ANKRD30A: variants seen among roughly 807,000 people sequenced by gnomAD.
ANKRD30A encodes ankyrin repeat domain-containing protein 30A.
In ANKRD30A, 170 loss-of-function variants were observed where a neutral mutation model predicts 166.3. The observed-to-expected ratio is 1.02, with a 90% CI of 0.90 to 1.16. The LOEUF is 1.16. Among genes scored for constraint, ANKRD30A ranks in the 50% most tolerant of loss-of-function variants. The pLI, the probability that ANKRD30A is intolerant of heterozygous loss-of-function variation, is 0.00. For synonymous variants in ANKRD30A, 564 were observed against 508.9 expected (o/e 1.11, Z -1.46); for missense variants, 1,630 against 1,518.0 (o/e 1.07, Z -1.23).
chr10:37,252,697 C>A, the ANKRD30A span, among the ~76,000 whole-genome samples: 15 of 149,266 alleles, frequency 1.0e-4, no homozygotes, highest in African/African-American at 2.2e-4. Flanking sequence ...TTTTTTTTTA[C>A]TAACTGTGTG....
At chr10:37,129,621 A>G (rs1588738966) in intron 1 of ANKRD30A, among the ~76,000 whole-genome samples, 1 of 152,188 alleles carries the variant, frequency 6.6e-6, no homozygotes, top group Admixed American at 6.5e-5. Flanking sequence ...AGTTTAAGTG[A>G]CAGCTAGAAA....
At chr10:37,220,851 C>A (rs1302653475) in intron 34 of ANKRD30A, among the ~76,000 whole-genome samples, 2 of 151,000 alleles carry the variant, frequency 1.3e-5, no homozygotes, top group Admixed American at 1.3e-4. Context: ...AGGAGGGATG[C>A]AGAGACCAGG....
intron 5 of ANKRD30A, 32 bp downstream of exon 5, chr10:37,134,085 T>A: frequency 6.2e-7 from 1 of 1,607,290 alleles, no homozygotes; most frequent in Non-Finnish European, 8.5e-7. Context: ...CTAGGTGAGA[T>A]TTTATAGTTT....
intron 27 of ANKRD30A, among the ~76,000 whole-genome samples, chr10:37,194,465 C>G (rs61865173): frequency 0.048 from 7,254 of 151,902 alleles, 251 homozygotes; most frequent in South Asian, 0.06. Context: ...CTCAGCCTCC[C>G]GAGTAGCTGG....
In ANKRD30A at chr10:37,147,468, T is replaced by C; in HGVS notation, c.1543+11T>C. 3 of 1,531,986 alleles carry C rather than the reference T, an allele frequency of 2.0e-6. No homozygotes were observed. Among genetic ancestry groups the C allele is most frequent in the Non-Finnish European group, 2.7e-6 (3 of 1,126,650 alleles). The allele number at this position is 1,531,986 out of a possible 1,614,324, so 94.9% of individuals were successfully genotyped here. A position where few individuals can be genotyped will look rare whatever the true frequency, so the allele number is the denominator to read the frequency against. On this transcript the variant is annotated intron_variant, in intron 9 of 35. Transcript: ENST00000361713. Reference sequence around the variant, plus strand: ...ATAGAGAAGTAGAAGGTAAGAACGATTTTTTATTTGAAAAGTCTTTTAACC... The same window carrying C: ...ATAGAGAAGTAGAAGGTAAGAACGACTTTTTATTTGAAAAGTCTTTTAACC...
chr10:37,130,294 T>C lies in ANKRD30A; in HGVS notation c.426T>C (p.Ala142=), dbSNP rs1292914263. ...INLVDVYGNT[A]LHYAVYSEIL... The stretch of plus-strand genomic sequence containing the variant: ...TCGTAGATGTGTATGGCAACACGGC[T>C]CTCCATTATGCTGTTTATAGTGAGA... The change falls in exon 3 of 36, where the codon GCT becomes GCC. Residue 142 remains alanine (A), a synonymous_variant. Transcript: ENST00000361713. 5.0e-6 allele frequency: 8 copies of C among 1,605,856 alleles called. No homozygotes were observed. The highest frequency in any genetic ancestry group is 1.7e-4 in the Middle Eastern group (1 of 6,030).
intron 14 of ANKRD30A, 26 bp downstream of exon 14, chr10:37,158,446 G>C (rs1588824695): frequency 6.2e-7 from 1 of 1,612,296 alleles, no homozygotes; most frequent in East Asian, 2.2e-5. Flanking sequence ...TTTTTGTCTT[G>C]AGTATCAACT....
chr10:37,231,579 A>G lies in ANKRD30A; in HGVS notation c.*110A>G. On this transcript the variant is annotated 3_prime_UTR_variant, in exon 35 of 36. Coordinates refer to ENST00000361713, the MANE Select transcript of ANKRD30A (RefSeq NM_052997.3). ...TCACCTTATGTTGAAAATCTTACCA[A>G]TAGTCTGTGTCAACAGAATACTTAT... The G allele has an allele frequency of 1.2e-6, 1 of 816,546 alleles. No homozygotes were observed. The highest frequency in any genetic ancestry group is 2.4e-4 in the Middle Eastern group (1 of 4,110). 50.6% of individuals were successfully genotyped at this position (816,546 alleles called of 1,614,324 possible).
At chr10:37,218,943 T>C (rs1396942083) in intron 33 of ANKRD30A, 37 bp from the exon 34 acceptor site, 3 of 1,349,330 alleles carry the variant, frequency 2.2e-6, no homozygotes, top group Admixed American at 4.7e-5. Context: ...TGCCATTTTA[T>C]TGAGTGCTAG....
intron 25 of ANKRD30A, among the ~76,000 whole-genome samples, chr10:37,190,530 C>G (rs772880629): frequency 2.0e-5 from 3 of 151,772 alleles, no homozygotes; most frequent in Non-Finnish European, 4.4e-5. Context: ...ATAATGTTAA[C>G]AGGTGTCGAA....
chr10:37,151,619 T>C (rs1837944828), intron 11 of ANKRD30A, among the ~76,000 whole-genome samples: 1 of 152,156 alleles, frequency 6.6e-6, no homozygotes, highest in South Asian at 2.1e-4. Context: ...AAAAATCTTA[T>C]TCATTGATAA....
chr10:37,264,292 A>T, the ANKRD30A span, among the ~76,000 whole-genome samples: 1 of 152,234 alleles, frequency 6.6e-6, no homozygotes. Flanking sequence ...GCCAGCCATG[A>T]CAGCAAAAGT....
intron 4 of ANKRD30A, 39 bp from the exon 5 acceptor site, chr10:37,133,877 T>G: frequency 6.2e-7 from 1 of 1,607,668 alleles, no homozygotes. Flanking sequence ...TTAAATTGGT[T>G]CTGCTCATAA....
chr10:37,210,085 G>T (rs1174381694), intron 31 of ANKRD30A, among the ~76,000 whole-genome samples: 1 of 151,960 alleles, frequency 6.6e-6, no homozygotes, highest in Admixed American at 6.6e-5. Context: ...TCTACATTAG[G>T]TATTTCTCCT....
intron 31 of ANKRD30A, among the ~76,000 whole-genome samples, chr10:37,210,091 C>A (rs944740809): frequency 3.3e-5 from 5 of 152,040 alleles, no homozygotes; most frequent in Admixed American, 2.0e-4. Context: ...TTAGGTATTT[C>A]TCCTAATGCT....
intron 13 of ANKRD30A, among the ~76,000 whole-genome samples, chr10:37,157,157 T>C (rs1057055236): frequency 2.0e-5 from 3 of 152,216 alleles, no homozygotes; most frequent in African/African-American, 7.2e-5. Context: ...TGTCTGTGAT[T>C]TTCTTGAAGC....
At chr10:37,159,945 C>A (rs1838722297) in intron 15 of ANKRD30A, among the ~76,000 whole-genome samples, 1 of 152,104 alleles carries the variant, frequency 6.6e-6, no homozygotes, top group Non-Finnish European at 1.5e-5. Context: ...GTGATCCGCC[C>A]ACCTCGGCCT....
chr10:37,232,697 T>TATATATATATATATATATAG (rs1273812991), downstream of ANKRD30A: 2 of 78,400 alleles, frequency 2.6e-5, no homozygotes, highest in Non-Finnish European at 4.8e-5. Flanking sequence ...TATATATAAA[T>TATATATATATATATATATAG]AGAGAGAGAG....
chr10:37,242,845 C>G, the ANKRD30A span, among the ~76,000 whole-genome samples: 2 of 152,264 alleles, frequency 1.3e-5, no homozygotes, highest in African/African-American at 4.8e-5. Context: ...GCAACAGTAC[C>G]AGGTGGGCAT....
Sources: allele counts gnomAD v4.1 joint callset (sites outside exome capture counted in the v4.1 genomes callset), GRCh38; gene constraint gnomAD v4.1.1; transcripts MANE v1.5; gene names NCBI Gene and HGNC (gene_info 2026-07-23, HGNC 2026-07-21).